Variants in NXPE2 observed in about 807,000 individuals in gnomAD.
NXPE2 encodes the protein NXPE family member 2.
In NXPE2, 34 loss-of-function variants were observed where a neutral mutation model predicts 34.4. That is an observed-to-expected ratio of 0.99 (90% CI 0.75 to 1.31). NXPE2 has a LOEUF of 1.31. Among genes scored for constraint, NXPE2 ranks in the 40% most tolerant of loss-of-function variants. The pLI is 0.00. For synonymous variants in NXPE2, 235 were observed against 231.3 expected (o/e 1.02, Z -0.15); for missense variants, 649 against 672.5 (o/e 0.97, Z 0.39).
At chr11:114,737,897 A>G in the NXPE2 span, among the ~76,000 whole-genome samples, 1 of 152,084 alleles carries the variant, frequency 6.6e-6, no homozygotes, top group African/African-American at 2.4e-5. Context: ...ACCCTGGGCA[A>G]CATGGTGAAA....
At chr11:114,757,641 G>A in the NXPE2 span, among the ~76,000 whole-genome samples, 1 of 152,330 alleles carries the variant, frequency 6.6e-6, no homozygotes, top group East Asian at 1.9e-4. Flanking sequence ...TAAGATTTCA[G>A]TGAGTGAAAC....
At chr11:114,569,703 T>C in the NXPE2 span, among the ~76,000 whole-genome samples, 3 of 152,102 alleles carry the variant, frequency 2.0e-5, no homozygotes, top group Non-Finnish European at 4.4e-5. Context: ...CACTGCAGCG[T>C]CAAACCCCTG....
chr11:114,701,089 C>T (rs1951357161), intron 3 of NXPE2, among the ~76,000 whole-genome samples: 1 of 152,148 alleles, frequency 6.6e-6, no homozygotes, highest in African/African-American at 2.4e-5. Context: ...ATGGAAAAAT[C>T]TCTTTATCCC....
At chr11:114,489,623 C>T in the NXPE2 span, among the ~76,000 whole-genome samples, 5 of 152,278 alleles carry the variant, frequency 3.3e-5, no homozygotes, top group East Asian at 5.8e-4. Flanking sequence ...ATTGTCTCAA[C>T]AGATGCAGAA....
At chr11:114,652,857 C>G in the NXPE2 span, among the ~76,000 whole-genome samples, 1 of 152,154 alleles carries the variant, frequency 6.6e-6, no homozygotes, top group Non-Finnish European at 1.5e-5. Flanking sequence ...AGAGCATTTT[C>G]CATTTGGTAC....
chr11:114,694,308 A>G (rs12226353), intron 2 of NXPE2, among the ~76,000 whole-genome samples: 14,968 of 152,232 alleles, frequency 0.098, 879 homozygotes, highest in Middle Eastern at 0.21. Context: ...GAGGACATAG[A>G]TATCTTATCC....
chr11:114,707,653 A>G (rs1239204982), downstream of NXPE2: 1 of 166,234 alleles, frequency 6.0e-6, no homozygotes, highest in East Asian at 1.9e-4. Context: ...CATTTTTAAC[A>G]TTCCAAAAAG....
chr11:114,550,752 A>G, the NXPE2 span, among the ~76,000 whole-genome samples: 3 of 152,202 alleles, frequency 2.0e-5, no homozygotes, highest in South Asian at 4.1e-4. Context: ...GGAAAAGGAA[A>G]TCATAGACAC....
At chr11:114,563,614 C>G in the NXPE2 span, among the ~76,000 whole-genome samples, 1 of 151,854 alleles carries the variant, frequency 6.6e-6, no homozygotes, top group African/African-American at 2.4e-5. Context: ...GGAACTCAAA[C>G]GAATCAGCAA....
At chr11:114,811,906 G>A in the NXPE2 span, among the ~76,000 whole-genome samples, 5 of 152,316 alleles carry the variant, frequency 3.3e-5, no homozygotes, top group East Asian at 9.6e-4. Flanking sequence ...ACTGAGGATA[G>A]TAATGTGTAC....
At chr11:114,612,285 G>T in the NXPE2 span, among the ~76,000 whole-genome samples, 1 of 151,572 alleles carries the variant, frequency 6.6e-6, no homozygotes, top group Non-Finnish European at 1.5e-5. Flanking sequence ...ACTATTACCC[G>T]TTGGATAATA....
the NXPE2 span, chr11:114,552,845 T>C: frequency 1.0e-6 from 1 of 971,016 alleles, no homozygotes; most frequent in Non-Finnish European, 1.2e-6. Flanking sequence ...AAATACTGGG[T>C]ACTTACCCAA....
At chr11:114,694,330 T>C (rs770315964) in intron 2 of NXPE2, among the ~76,000 whole-genome samples, 3 of 152,244 alleles carry the variant, frequency 2.0e-5, no homozygotes, top group Non-Finnish European at 4.4e-5. Flanking sequence ...TGTTCTTCAA[T>C]AGGTAAAGTT....
At position 114,705,805 on chromosome 11, in the gene NXPE2, G is replaced by A. The variant is rs1041650722; in HGVS notation, c.953G>A (p.Cys318Tyr). Residue 318 changes from cysteine to tyrosine, a missense_variant, in exon 5 of 6, where the codon TGC becomes TAC. Coordinates refer to ENST00000389586, the MANE Select transcript of NXPE2 (RefSeq NM_182495.6). ...GAGAGCGAGAACATAAAAAAGAACT[G>A]CCAGATTGGAATGAAGACTCCTTTC... ...CNKSENIKKN[C>Y]QIGMKTPFPS... The A allele has an allele frequency of 4.7e-6, 7 of 1,497,032 alleles. No individual in the cohort carries two copies. The highest frequency in any genetic ancestry group is 6.2e-6 in the Non-Finnish European group (7 of 1,122,726). 92.7% of individuals were successfully genotyped at this position (1,497,032 alleles called of 1,614,324 possible).
the NXPE2 span, among the ~76,000 whole-genome samples, chr11:114,773,147 G>C: frequency 1.3e-5 from 2 of 152,048 alleles, no homozygotes; most frequent in Non-Finnish European, 1.5e-5. Context: ...CCACAGGGAA[G>C]CATGCTCCTA....
At chr11:114,674,933 A>C (rs749437538), upstream of NXPE2, among the ~76,000 whole-genome samples, 10 of 151,986 alleles carry the variant, frequency 6.6e-5, no homozygotes, top group East Asian at 1.4e-3. Flanking sequence ...ATTCAATAGC[A>C]CATTGAAAGA....
the NXPE2 span, among the ~76,000 whole-genome samples, chr11:114,552,544 A>G: frequency 1.3e-5 from 2 of 151,992 alleles, no homozygotes; most frequent in South Asian, 4.2e-4. Context: ...GAAATTTCAT[A>G]TTTTCTCGGA....
chr11:114,630,945 AG>A, the NXPE2 span, among the ~76,000 whole-genome samples: 173 of 151,510 alleles, frequency 1.1e-3, no homozygotes, highest in African/African-American at 4.0e-3. Context: ...ACTGGCCATC[AG>A]AGAAATGCAA....
the NXPE2 span, among the ~76,000 whole-genome samples, chr11:114,777,679 T>G: frequency 4.5e-4 from 69 of 152,142 alleles, no homozygotes; most frequent in Non-Finnish European, 5.7e-4. Context: ...CCTTCCTTCT[T>G]CAACAACTGT....
Sources: gnomAD v4.1 joint callset for allele counts (sites outside exome capture counted in the v4.1 genomes callset) on GRCh38, gnomAD v4.1.1 for gene constraint, MANE v1.5 for transcripts, NCBI Gene and HGNC (gene_info 2026-07-23, HGNC 2026-07-21) for gene names.